PPP1R3E: variants seen among roughly 807,000 people sequenced by gnomAD.
PPP1R3E encodes protein phosphatase 1 regulatory subunit 3E.
In PPP1R3E, 20 loss-of-function variants were observed where a neutral mutation model predicts 18.5. The observed-to-expected ratio is 1.08, with a 90% CI of 0.76 to 1.58. The LOEUF (loss-of-function observed/expected upper bound fraction) is 1.58, where lower values mean the gene tolerates loss of function less well. PPP1R3E is among the 40% of genes most tolerant of loss of function. PPP1R3E has a pLI of 0.00. For missense variants in PPP1R3E, 498 were observed against 460.2 expected (o/e 1.08, Z -0.75); for synonymous variants, 208 against 208.1 (o/e 1.00, Z 0.00).
In PPP1R3E at chr14:23,297,483, G is replaced by A. The variant is rs1372148267; in HGVS notation, c.*1821C>T. 6.6e-6 allele frequency: 1 copy of A among 152,356 alleles called. No individual in the cohort carries two copies. Among genetic ancestry groups the A allele is most frequent in the African/African-American group, 2.4e-5 (1 of 41,468 alleles). 9.4% of individuals were successfully genotyped at this position (152,356 alleles called of 1,614,324 possible). On this transcript the variant is annotated 3_prime_UTR_variant, in exon 5 of 5. Transcript: ENST00000452015. ...CTCAACCCAAGGTGAGGAAAAGCCAGGGGGTTGGGAAAATCTCAGTGCTGA... is the reference window on the plus strand; with the variant it reads ...CTCAACCCAAGGTGAGGAAAAGCCAAGGGGTTGGGAAAATCTCAGTGCTGA...
In PPP1R3E at chr14:23,302,436, C is replaced by T. The variant is rs1028258712; in HGVS notation, c.141G>A (p.Thr47=). ...EPEEEPGEGG[T]RFGARSRAHA... is the part of the protein sequence containing the mutation. ...GAGCGCGGGATCGGGCCCCGAACCG[C>T]GTCCCGCCCTCGCCTGGCTCCTCCT... is the stretch of plus-strand genomic sequence containing the variant. Residue 47 remains threonine (T), a synonymous_variant, in exon 1 of 5, where the codon ACG becomes ACA. Coordinates refer to ENST00000452015, the MANE Select transcript of PPP1R3E (RefSeq NM_001276318.2). The T allele has an allele frequency of 4.0e-6, 6 of 1,500,950 alleles. No homozygotes were observed. In the Admixed American group the frequency reaches 8.7e-5, roughly 22 times the overall value. The allele number at this position is 1,500,950 out of a possible 1,614,324, so 93.0% of individuals were successfully genotyped here. A position where few individuals can be genotyped will look rare whatever the true frequency, so the allele number is the denominator to read the frequency against.
In PPP1R3E at chr14:23,301,636, G is replaced by GCGGGGC. The variant is rs1566458691; in HGVS notation, c.634_639dup (p.Ala212_Pro213dup). 2 of 1,367,556 alleles carry GCGGGGC rather than the reference G, an allele frequency of 1.5e-6. No homozygotes were observed. The highest frequency in any genetic ancestry group is 9.4e-7 in the Non-Finnish European group (1 of 1,063,446). The allele number at this position is 1,367,556 out of a possible 1,614,324, so 84.7% of individuals were successfully genotyped here. A position where few individuals can be genotyped will look rare whatever the true frequency, so the allele number is the denominator to read the frequency against. ...GCGAAGCGGTCGGCGCGCGGCGGGG[G>GCGGGGC]CGGGGCCGGACCGGCGTAGGCGGCT... On this transcript the variant is annotated inframe_insertion, in exon 2 of 5. Coordinates refer to ENST00000452015, the MANE Select transcript of PPP1R3E (RefSeq NM_001276318.2).
In PPP1R3E at chr14:23,296,388, T is replaced by C. The variant is rs1238671555; in HGVS notation, c.*2916A>G. On this transcript the variant is annotated 3_prime_UTR_variant, in exon 5 of 5. Coordinates refer to ENST00000452015, the MANE Select transcript of PPP1R3E (RefSeq NM_001276318.2). ...TTCTTTTTTTTTTTGAGGGTCTCACTGTCACCAAGCTGGAGTGCAGTGGTG... is the reference window on the plus strand; with the variant it reads ...TTCTTTTTTTTTTTGAGGGTCTCACCGTCACCAAGCTGGAGTGCAGTGGTG... The C allele has an allele frequency of 6.6e-6, 1 of 152,056 alleles. No homozygotes were observed. The highest frequency in any genetic ancestry group is 1.5e-5 in the Non-Finnish European group (1 of 68,014). 9.4% of individuals were successfully genotyped at this position (152,056 alleles called of 1,614,324 possible).
chr14:23,299,918 T>C (rs1182158626), intron 3 of PPP1R3E, among the ~76,000 whole-genome samples: 1 of 96,526 alleles, frequency 1.0e-5, no homozygotes. Flanking sequence ...TTGGTGTTTT[T>C]TTGTTTTTGT....
At chr14:23,300,622 G>A (rs1887002257) in intron 3 of PPP1R3E, 136 bp downstream of exon 3, 2 of 152,254 alleles carry the variant, frequency 1.3e-5, no homozygotes, top group Non-Finnish European at 2.9e-5. Context: ...AGAAAAGTAA[G>A]GCTGGCATTT....
In PPP1R3E at chr14:23,301,425, G is replaced by A. The variant is rs1241293149; in HGVS notation, c.*11C>T. On this transcript the variant is annotated 3_prime_UTR_variant, in exon 2 of 5. Coordinates refer to ENST00000452015, the MANE Select transcript of PPP1R3E (RefSeq NM_001276318.2). Reference sequence around the variant, plus strand: ...TTGGTGTTTTCCGCCGTCGGCCGCAGGCGCCTCGTCTCAGATAAAGTGGAT... The same window carrying A: ...TTGGTGTTTTCCGCCGTCGGCCGCAAGCGCCTCGTCTCAGATAAAGTGGAT... The A allele has an allele frequency of 5.1e-6, 7 of 1,378,136 alleles. No homozygotes were observed. The highest frequency in any genetic ancestry group is 1.5e-5 in the African/African-American group (1 of 66,078). 85.4% of individuals were successfully genotyped at this position (1,378,136 alleles called of 1,614,324 possible). A position where few individuals can be genotyped will look rare whatever the true frequency, so the allele number is the denominator to read the frequency against.
rs41285528 is a variant in PPP1R3E at position 23,298,518 on chromosome 14, C to G, written c.*786G>C. On this transcript the variant is annotated 3_prime_UTR_variant, in exon 5 of 5. Transcript: ENST00000452015. ...GGGTTGTTTTGGGCATGCATGCAAA[C>G]AAAACAGATTTTATGATCGAGTCAT... 1.2e-3 allele frequency: 179 copies of G among 153,726 alleles called. 1 individual carries two copies. The highest frequency in any genetic ancestry group is 2.4e-3 in the Non-Finnish European group (161 of 68,132). 9.5% of individuals were successfully genotyped at this position (153,726 alleles called of 1,614,324 possible).
chr14:23,299,333 G>A, intron 4 of PPP1R3E, 68 bp downstream of exon 4: 1 of 154,408 alleles, frequency 6.5e-6, no homozygotes, highest in Middle Eastern at 5.4e-4. Flanking sequence ...CAGTGATAAG[G>A]AAGAAGGGGA....
Position 23,295,852 on chromosome 14 carries a change from T to G in PPP1R3E, c.*3452A>C, listed in dbSNP as rs964611003. On this transcript the variant is annotated 3_prime_UTR_variant, in exon 5 of 5. Coordinates refer to ENST00000452015, the MANE Select transcript of PPP1R3E (RefSeq NM_001276318.2). ...AGAAATTGAGTCAAGGAGGGAATCT[T>G]GCCTCTGAGTCTCTTGCTGCCCTTA... 5 of 153,616 alleles carry G rather than the reference T, an allele frequency of 3.3e-5. No individual in the cohort carries two copies. The highest frequency in any genetic ancestry group is 6.5e-5 in the Admixed American group (1 of 15,328). The allele number at this position is 153,616 out of a possible 1,614,324, so 9.5% of individuals were successfully genotyped here.
chr14:23,301,295 C>A lies in PPP1R3E; in HGVS notation c.*138+3G>T, dbSNP rs2138410827. ...CACGCCCCCACGCCCCTGATTTCCC[C>A]ACCCTTTTCGCCCTCCCCGGCTTGA... On this transcript the variant is annotated splice_donor_region_variant and intron_variant, in intron 2 of 4. Transcript: ENST00000452015. 2.2e-6 allele frequency: 1 copy of A among 448,374 alleles called. No homozygotes were observed. Among genetic ancestry groups the A allele is most frequent in the Non-Finnish European group, 3.0e-6 (1 of 329,800 alleles). 27.8% of individuals were successfully genotyped at this position (448,374 alleles called of 1,614,324 possible).
Position 23,300,747 on chromosome 14 carries a change from C to T in PPP1R3E, c.*245+11G>A, listed in dbSNP as rs1472857810. ...CTAAAGCTGCCTGGAGGCTGGAGCT[C>T]TGATAGCTACCTGTCATCACTCCCC... On this transcript the variant is annotated intron_variant, in intron 3 of 4. Coordinates refer to ENST00000452015, the MANE Select transcript of PPP1R3E (RefSeq NM_001276318.2). 6.6e-6 allele frequency: 1 copy of T among 152,254 alleles called. No homozygotes were observed. The highest frequency in any genetic ancestry group is 1.5e-5 in the Non-Finnish European group (1 of 68,094). 9.4% of individuals were successfully genotyped at this position (152,254 alleles called of 1,614,324 possible).
At position 23,302,176 on chromosome 14, in the gene PPP1R3E, CG is replaced by C. The variant is rs747803822; in HGVS notation, c.400del (p.Arg134AlafsTer25). The C allele has an allele frequency of 4.3e-5, 61 of 1,417,936 alleles. No individual in the cohort carries two copies. The highest frequency in any genetic ancestry group is 5.5e-5 in the Non-Finnish European group (60 of 1,092,872). 87.8% of individuals were successfully genotyped at this position (1,417,936 alleles called of 1,614,324 possible). On this transcript the variant is annotated frameshift_variant, in exon 1 of 5. Coordinates refer to ENST00000452015, the MANE Select transcript of PPP1R3E (RefSeq NM_001276318.2). LOFTEE classifies it high-confidence loss of function. The part of the protein sequence containing the change: ...ALRHFAPCQP[R>X]ARGLQEARAA... Reference sequence around the variant, plus strand: ...GCCGCCTACCTGGAGGCCGCGGGCGCGGGGCTGGCAGGGCGCGAAGTGGCGG... The same window carrying C: ...GCCGCCTACCTGGAGGCCGCGGGCGCGGGCTGGCAGGGCGCGAAGTGGCGG...
chr14:23,301,903 AG>A (rs1257311966), intron 1 of PPP1R3E, 45 bp from the exon 2 acceptor site: 1 of 1,401,540 alleles, frequency 7.1e-7, no homozygotes, highest in Non-Finnish European at 9.2e-7. Context: ...GGGCGGAGAG[AG>A]GGGAGAGACA....
In PPP1R3E at chr14:23,301,521, C is replaced by T. The variant is rs1399040338; in HGVS notation, c.755G>A (p.Gly252Asp). 2.0e-6 allele frequency: 3 copies of T among 1,499,774 alleles called. No individual in the cohort carries two copies. Among genetic ancestry groups the T allele is most frequent in the Non-Finnish European group, 2.7e-6 (3 of 1,130,232 alleles). 92.9% of individuals were successfully genotyped at this position (1,499,774 alleles called of 1,614,324 possible). ...VTGHEFWDNN[G>D]GRDYALRGPE... ...CCCACGTAGAGCATAGTCACGGCCG[C>T]CGTTGTTGTCCCAGAACTCGTGACC... The change falls in exon 2 of 5, where the codon GGC (glycine) becomes GAC (aspartate). Residue 252 changes from glycine (G) to aspartate (D), a missense_variant. By Grantham distance (94) the Gly-to-Asp change is moderately conservative. Coordinates refer to ENST00000452015, the MANE Select transcript of PPP1R3E (RefSeq NM_001276318.2).
intron 1 of PPP1R3E, 32 bp from the exon 2 acceptor site, chr14:23,301,890 C>A (rs1204122070): frequency 7.1e-7 from 1 of 1,413,756 alleles, no homozygotes; most frequent in South Asian, 1.5e-5. Context: ...AGGAGGGAGC[C>A]CAGGGCGGAG....
At position 23,302,363 on chromosome 14, in the gene PPP1R3E, C is replaced by T; in HGVS notation, c.214G>A (p.Gly72Ser). Reference sequence around the variant, plus strand: ...CGGCTGCGGGGCGCCCGGGCCCCGCCGCCTCCGGCTGGTGCAGATCGGGCC... The same window carrying T: ...CGGCTGCGGGGCGCCCGGGCCCCGCTGCCTCCGGCTGGTGCAGATCGGGCC... ...RRARSAPAGG[G>S]GARAPRSRSP... Residue 72 changes from glycine (G) to serine (S), a missense_variant, in exon 1 of 5, where the codon GGC (glycine) becomes AGC (serine). Physicochemically the swap from Gly to Ser is moderately conservative, Grantham distance 56. Transcript: ENST00000452015. The T allele has an allele frequency of 6.7e-7, 1 of 1,498,562 alleles. No homozygotes were observed. Among genetic ancestry groups the T allele is most frequent in the Non-Finnish European group, 8.8e-7 (1 of 1,134,018 alleles). The allele number at this position is 1,498,562 out of a possible 1,614,324, so 92.8% of individuals were successfully genotyped here. A position where few individuals can be genotyped will look rare whatever the true frequency, so the allele number is the denominator to read the frequency against.
In PPP1R3E at chr14:23,296,351, G is replaced by A. The variant is rs112929364; in HGVS notation, c.*2953C>T. 8 of 151,924 alleles carry A rather than the reference G, an allele frequency of 5.3e-5. No individual in the cohort carries two copies. The highest frequency in any genetic ancestry group is 1.9e-4 in the East Asian group (1 of 5,194). The allele number at this position is 151,924 out of a possible 1,614,324, so 9.4% of individuals were successfully genotyped here. A position where few individuals can be genotyped will look rare whatever the true frequency, so the allele number is the denominator to read the frequency against. ...ATGAAGAATCACGGGCTTGTGTAGA[G>A]ACCTCTTTCTTTTCTTTTTTTTTTT... On this transcript the variant is annotated 3_prime_UTR_variant, in exon 5 of 5. Transcript: ENST00000452015.
rs1373093524 is a variant in PPP1R3E, at chr14:23,297,871, C to T, written c.*1433G>A. 1 of 152,260 alleles carries T rather than the reference C, an allele frequency of 6.6e-6. No homozygotes were observed. Among genetic ancestry groups the T allele is most frequent in the African/African-American group, 2.4e-5 (1 of 41,452 alleles). The allele number at this position is 152,260 out of a possible 1,614,324, so 9.4% of individuals were successfully genotyped here. On this transcript the variant is annotated 3_prime_UTR_variant, in exon 5 of 5. Coordinates refer to ENST00000452015, the MANE Select transcript of PPP1R3E (RefSeq NM_001276318.2). ...GGTCAGGGAACAGGATTATCATTAGCATTCTGCCCACAGAGTTGGCACTTA... is the reference window on the plus strand; with the variant it reads ...GGTCAGGGAACAGGATTATCATTAGTATTCTGCCCACAGAGTTGGCACTTA...
chr14:23,302,395 C>A lies in PPP1R3E; in HGVS notation c.182G>T (p.Gly61Val). 6.7e-7 allele frequency: 1 copy of A among 1,488,228 alleles called. No individual in the cohort carries two copies. The highest frequency in any genetic ancestry group is 8.9e-7 in the Non-Finnish European group (1 of 1,129,802). 92.2% of individuals were successfully genotyped at this position (1,488,228 alleles called of 1,614,324 possible). Residue 61 changes from glycine (G) to valine (V), a missense_variant, in exon 1 of 5, where the codon GGC (glycine) becomes GTC (valine). Coordinates refer to ENST00000452015, the MANE Select transcript of PPP1R3E (RefSeq NM_001276318.2). ...ARSRAHAPSR[G>V]RRARSAPAGG... Reference sequence around the variant, plus strand: ...GGCTGGTGCAGATCGGGCCCGGCGGCCCCGACTCGGTGCGTGAGCGCGGGA... The same window carrying A: ...GGCTGGTGCAGATCGGGCCCGGCGGACCCGACTCGGTGCGTGAGCGCGGGA...
Sources: allele counts gnomAD v4.1 joint callset (sites outside exome capture counted in the v4.1 genomes callset), GRCh38; gene constraint gnomAD v4.1.1; transcripts MANE v1.5; gene names NCBI Gene and HGNC (gene_info 2026-07-23, HGNC 2026-07-21).